The following ADGRG7 variants were observed in gnomAD, a reference collection of about 807,000 sequenced individuals.
ADGRG7 encodes the protein adhesion G protein-coupled receptor G7.
Under a neutral mutation model 88.6 loss-of-function variants are expected in ADGRG7, and 82 were observed. That is an observed-to-expected ratio of 0.93 (90% CI 0.77 to 1.11). ADGRG7 has a LOEUF of 1.11. Among genes scored for constraint, ADGRG7 ranks in the 50% most tolerant of loss-of-function variants. The pLI is 0.00. For synonymous variants in ADGRG7, 381 were observed against 345.2 expected, an observed-to-expected ratio of 1.10 and a Z score of -1.15; for missense variants, 945 against 953.4, an observed-to-expected ratio of 0.99 and a Z score of 0.12.
chr3:100,683,123 C>G (rs2094976333), intron 15 of ADGRG7, among the ~76,000 whole-genome samples: 1 of 152,178 alleles, frequency 6.6e-6, no homozygotes, highest in South Asian at 2.1e-4. Context: ...GTCCTCTGAG[C>G]TGTTCTATCA....
Position 100,633,273 on chromosome 3 carries a change from C to A in ADGRG7, c.343C>A (p.Pro115Thr). The A allele has an allele frequency of 1.4e-6, 2 of 1,467,526 alleles. No individual in the cohort carries two copies. Among genetic ancestry groups the A allele is most frequent in the Non-Finnish European group, 9.0e-7 (1 of 1,105,584 alleles). The allele number at this position is 1,467,526 out of a possible 1,614,324, so 90.9% of individuals were successfully genotyped here. A position where few individuals can be genotyped will look rare whatever the true frequency, so the allele number is the denominator to read the frequency against. Residue 115 changes from proline (P) to threonine (T), a missense_variant, in exon 4 of 16, where the codon CCA (proline) becomes ACA (threonine). Physicochemically the swap from Pro to Thr is conservative, Grantham distance 38. Coordinates refer to ENST00000273352, the MANE Select transcript of ADGRG7 (RefSeq NM_032787.3). ...CGKDTPNAGN[P>T]MAVRLCSLSL... ...ATTTCTTTGTATTAAAGCGGGCAAT[C>A]CAATGGCAGTCCGGTTGTGCAGTCT...
chr3:100,674,144 G>C (rs1479795259), intron 15 of ADGRG7, among the ~76,000 whole-genome samples: 1 of 151,996 alleles, frequency 6.6e-6, no homozygotes. Context: ...ATGTCTGCCT[G>C]TTTTGTTTCT....
At chr3:100,666,773 C>G (rs1018542605) in intron 14 of ADGRG7, among the ~76,000 whole-genome samples, 1 of 152,174 alleles carries the variant, frequency 6.6e-6, no homozygotes, top group Non-Finnish European at 1.5e-5. Context: ...AAACCTTGGA[C>G]AATACCTGGC....
intron 6 of ADGRG7, 102 bp downstream of exon 6, chr3:100,637,504 G>A: frequency 1.3e-6 from 1 of 758,404 alleles, no homozygotes; most frequent in Non-Finnish European, 2.2e-6. Flanking sequence ...CATGGATGCA[G>A]TAACTGACTG....
intron 13 of ADGRG7, among the ~76,000 whole-genome samples, chr3:100,657,802 T>G (rs2094939658): frequency 6.6e-6 from 1 of 152,226 alleles, no homozygotes; most frequent in South Asian, 2.1e-4. Flanking sequence ...AGCATGCCTT[T>G]GCATTTTTAA....
At chr3:100,682,911 C>A (rs1337772648) in intron 15 of ADGRG7, among the ~76,000 whole-genome samples, 1 of 152,164 alleles carries the variant, frequency 6.6e-6, no homozygotes, top group Non-Finnish European at 1.5e-5. Context: ...CAGGAAGACC[C>A]CCCTGCCTGG....
chr3:100,670,388 C>T (rs185704294), intron 15 of ADGRG7, among the ~76,000 whole-genome samples: 103 of 152,276 alleles, frequency 6.8e-4, no homozygotes, highest in African/African-American at 1.9e-3. Context: ...ATATGTACTG[C>T]ATTATCTTTA....
intron 1 of ADGRG7, among the ~76,000 whole-genome samples, chr3:100,616,876 TA>T (rs1372797630): frequency 6.6e-6 from 1 of 151,684 alleles, no homozygotes; most frequent in African/African-American, 2.4e-5. Context: ...CAGAGAAAAC[TA>T]GGGAATGGAA....
chr3:100,689,159 G>A (rs2094988650), intron 15 of ADGRG7, among the ~76,000 whole-genome samples: 1 of 152,094 alleles, frequency 6.6e-6, no homozygotes, highest in Non-Finnish European at 1.5e-5. Context: ...TTTGATCTTT[G>A]TTGGTTTAAA....
intron 5 of ADGRG7, 119 bp from the exon 6 acceptor site, chr3:100,637,183 C>A (rs4144968): frequency 3.0e-6 from 2 of 660,716 alleles, no homozygotes; most frequent in African/African-American, 3.7e-5. Context: ...TAAAATGCTT[C>A]CCTCTACATT....
chr3:100,680,718 T>C (rs2094972184), intron 15 of ADGRG7, among the ~76,000 whole-genome samples: 1 of 152,188 alleles, frequency 6.6e-6, no homozygotes, highest in African/African-American at 2.4e-5. Flanking sequence ...AATCTTAGAA[T>C]CTTATAACAA....
In ADGRG7 at chr3:100,655,241, AAC is replaced by A. The variant is rs904393321; in HGVS notation, c.1726+63_1726+64del. The A allele has an allele frequency of 2.4e-6, 3 of 1,271,534 alleles. No homozygotes were observed. The African/African-American group carries it at 4.5e-5, about 19-fold the overall frequency. The allele number at this position is 1,271,534 out of a possible 1,614,324, so 78.8% of individuals were successfully genotyped here. ...AATTTTGTGGAAATCATTTAATTTA[AAC>A]ACTTATTGAAGGCCTAATAGTCCAA... On this transcript the variant is annotated intron_variant, in intron 12 of 15. Coordinates refer to ENST00000273352, the MANE Select transcript of ADGRG7 (RefSeq NM_032787.3).
intron 6 of ADGRG7, 119 bp from the exon 7 acceptor site, chr3:100,643,147 A>G (rs745556172): frequency 2.3e-6 from 2 of 878,414 alleles, no homozygotes; most frequent in Admixed American, 2.5e-5. Flanking sequence ...GCAATTGTCA[A>G]TGTTGTCATG....
chr3:100,694,530 T>C (rs530067136), intron 15 of ADGRG7, among the ~76,000 whole-genome samples: 1 of 152,318 alleles, frequency 6.6e-6, no homozygotes, highest in South Asian at 2.1e-4. Flanking sequence ...CTTCTATATC[T>C]GCTATTGTAC....
intron 15 of ADGRG7, among the ~76,000 whole-genome samples, chr3:100,688,076 G>T (rs377090205): frequency 6.6e-6 from 1 of 152,012 alleles, no homozygotes; most frequent in Non-Finnish European, 1.5e-5. Context: ...GTCTATTCAG[G>T]GATTCAACTT....
chr3:100,672,168 T>C (rs1048499904), intron 15 of ADGRG7, among the ~76,000 whole-genome samples: 1 of 152,212 alleles, frequency 6.6e-6, no homozygotes, highest in Admixed American at 6.5e-5. Flanking sequence ...TTTCATGATA[T>C]TAATTATTCC....
intron 8 of ADGRG7, among the ~76,000 whole-genome samples, chr3:100,643,982 C>G (rs1707692691): frequency 4.6e-5 from 7 of 152,184 alleles, no homozygotes; most frequent in Admixed American, 4.6e-4. Flanking sequence ...ACCATGTTTA[C>G]TAGTGGCATG....
At chr3:100,668,917 C>T in intron 14 of ADGRG7, 32 bp from the exon 15 acceptor site, 1 of 1,525,692 alleles carries the variant, frequency 6.6e-7, no homozygotes, top group Non-Finnish European at 8.8e-7. Context: ...CCCTAATGAA[C>T]CACATTATTT....
rs1480984843 is a variant in ADGRG7, at chr3:100,641,122, A to G, written c.699-2144A>G. The stretch of plus-strand genomic sequence containing the variant: ...TGGGCCTTGTCAACCCAAAATAATC[A>G]AAAAGGTCAGAATCTAGTTTAAAGA... On this transcript the variant is annotated intron_variant, in intron 6 of 15. Coordinates refer to ENST00000273352, the MANE Select transcript of ADGRG7 (RefSeq NM_032787.3). 3.3e-5 allele frequency among the ~76,000 whole-genome samples: 5 copies of G among 152,218 alleles called. No individual in the cohort carries two copies. The South Asian group carries it at 6.2e-4, about 19-fold the overall frequency.
Sources: gnomAD v4.1 joint callset for allele counts (sites outside exome capture counted in the v4.1 genomes callset) on GRCh38, gnomAD v4.1.1 for gene constraint, MANE v1.5 for transcripts, NCBI Gene and HGNC (gene_info 2026-07-23, HGNC 2026-07-21) for gene names.